SNURF: variants seen among roughly 807,000 people sequenced by gnomAD.
The protein encoded by SNURF is SNURF protein.
A neutral mutation model predicts 11.6 loss-of-function variants in SNURF; 6 were observed. The observed-to-expected ratio is 0.52, with a 90% CI of 0.28 to 1.02. The LOEUF is 1.02. Ranked by LOEUF, SNURF falls within the 50% of genes least tolerant of loss-of-function variation. The probability of loss-of-function intolerance (pLI) is 0.09; values close to 1 mark genes in which losing one functional copy is unlikely to be tolerated. For missense variants in SNURF, 84 were observed against 88.4 expected (o/e 0.95, Z 0.20); for synonymous variants, 29 against 31.6 (o/e 0.92, Z 0.27).
At chr15:24,969,807 T>C (rs558517597), downstream of SNURF, among the ~76,000 whole-genome samples, 1 of 152,312 alleles carries the variant, frequency 6.6e-6, no homozygotes, top group East Asian at 1.9e-4. Flanking sequence ...GAAGGGTTGG[T>C]AATATATCTG....
At chr15:24,970,088 T>C (rs2076208720), downstream of SNURF, among the ~76,000 whole-genome samples, 1 of 152,136 alleles carries the variant, frequency 6.6e-6, no homozygotes, top group Non-Finnish European at 1.5e-5. Context: ...TGATAAAGAA[T>C]AGATTATAGA....
rs372197183 is a variant in SNURF at position 24,977,731 on chromosome 15, T to A, written c.*463-47T>A. 7 of 1,529,730 alleles carry A rather than the reference T, an allele frequency of 4.6e-6. No homozygotes were observed. In the African/African-American group the frequency reaches 9.7e-5, roughly 21 times the overall value. 94.8% of individuals were successfully genotyped at this position (1,529,730 alleles called of 1,614,324 possible). A position where few individuals can be genotyped will look rare whatever the true frequency, so the allele number is the denominator to read the frequency against. ...TCATTTATTTTCTGTGTTTGAATAA[T>A]GTGAAGGTTTGCATCGCTTTGACTG... On this transcript the variant is annotated intron_variant and NMD_transcript_variant, in intron 6 of 6. Coordinates refer to the SNURF transcript ENST00000580062.
chr15:24,975,060 T>A, intron 3 of SNURF: 1 of 686,212 alleles, frequency 1.5e-6, no homozygotes, highest in Admixed American at 2.1e-5. Context: ...CCTACATCAT[T>A]GTGGTTTGGT....
At chr15:24,961,855 ATATAT>A (rs1330359119) in intron 1 of SNURF, among the ~76,000 whole-genome samples, 2 of 152,108 alleles carry the variant, frequency 1.3e-5, no homozygotes, top group African/African-American at 4.8e-5. Context: ...ATAGAGGTAG[ATATAT>A]TATTTTAATT....
chr15:24,962,483 ATACT>A (rs1321834426), intron 2 of SNURF, among the ~76,000 whole-genome samples: 1 of 152,196 alleles, frequency 6.6e-6, no homozygotes, highest in African/African-American at 2.4e-5. Flanking sequence ...CAACATAAGC[ATACT>A]TAAATTTTTC....
At chr15:24,955,056 G>T (rs1172109294) in exon 1 of SNURF, 4 of 1,613,322 alleles carry the variant, frequency 2.5e-6, no homozygotes, top group Non-Finnish European at 3.4e-6. Flanking sequence ...GCGATGGAGC[G>T]GGCAAGGTCA....
downstream of SNURF, among the ~76,000 whole-genome samples, chr15:24,971,633 C>A (rs1376340403): frequency 6.6e-6 from 1 of 151,936 alleles, no homozygotes; most frequent in Admixed American, 6.6e-5. Context: ...TGTTTCATAC[C>A]TCTGGACCGC....
intron 2 of SNURF, among the ~76,000 whole-genome samples, chr15:24,963,391 C>T (rs373030697): frequency 7.2e-5 from 11 of 151,902 alleles, no homozygotes; most frequent in East Asian, 1.9e-4. Flanking sequence ...CTAAGCCAGG[C>T]GGATCACAAG....
rs1375819936 is a variant in SNURF, at chr15:24,977,766, C to T, written c.*463-12C>T. The T allele has an allele frequency of 2.5e-6, 4 of 1,583,158 alleles. No individual in the cohort carries two copies. The Admixed American group carries it at 5.7e-5, about 23-fold the overall frequency. ...TGCATCGCTTTGACTGTTTCCCGCC[C>T]TGCCTTCTCAGGTAATGACTCCACA... On this transcript the variant is annotated splice_polypyrimidine_tract_variant and intron_variant and NMD_transcript_variant, in intron 6 of 6. Transcript: ENST00000580062.
intron 1 of SNURF, among the ~76,000 whole-genome samples, chr15:24,961,183 T>C (rs921351412): frequency 6.6e-6 from 1 of 152,162 alleles, no homozygotes; most frequent in Non-Finnish European, 1.5e-5. Flanking sequence ...TGTATAAAAT[T>C]TTACCATTTA....
chr15:24,975,583 A>AT, intron 4 of SNURF: 1 of 1,274,608 alleles, frequency 7.8e-7, no homozygotes, highest in Non-Finnish European at 1.1e-6. Flanking sequence ...GGAGTAAGGG[A>AT]TTTCCGAGGG....
intron 1 of SNURF, among the ~76,000 whole-genome samples, chr15:24,961,080 TTGA>T (rs1454370661): frequency 6.6e-6 from 1 of 152,240 alleles, no homozygotes; most frequent in Admixed American, 6.5e-5. Flanking sequence ...ACTTTATTTT[TTGA>T]TGAAGTCCAC....
At chr15:24,972,783 C>T (rs541534075), downstream of SNURF, among the ~76,000 whole-genome samples, 33 of 130,586 alleles carry the variant, frequency 2.5e-4, no homozygotes, top group Admixed American at 2.3e-4. Flanking sequence ...TGCTTGATTA[C>T]GGTCATGAGC....
intron 5 of SNURF, chr15:24,976,781 C>A: frequency 9.1e-7 from 1 of 1,102,364 alleles, no homozygotes; most frequent in Non-Finnish European, 1.3e-6. Flanking sequence ...AGATAGGTGT[C>A]ATGGGAAAAT....
At chr15:24,967,416 G>C (rs1294665128) in intron 2 of SNURF, among the ~76,000 whole-genome samples, 1 of 151,966 alleles carries the variant, frequency 6.6e-6, no homozygotes, top group Non-Finnish European at 1.5e-5. Context: ...AAAGTGGGTG[G>C]ATCACCTGAG....
At chr15:24,977,872 G>A (rs1566978629), downstream of SNURF, 1 of 1,606,664 alleles carries the variant, frequency 6.2e-7, no homozygotes, top group Non-Finnish European at 8.5e-7. Flanking sequence ...CCACCAGGAC[G>A]GGGCACTCCG....
At chr15:24,974,832 T>C in intron 3 of SNURF, 1 of 680,602 alleles carries the variant, frequency 1.5e-6, no homozygotes, top group Non-Finnish European at 2.7e-6. Context: ...GTGCTGGGAT[T>C]ACAGGCATGA....
downstream of SNURF, chr15:24,978,177 C>T (rs781632991): frequency 2.5e-6 from 4 of 1,608,418 alleles, no homozygotes; most frequent in South Asian, 1.1e-5. Flanking sequence ...TTTATTTCTA[C>T]CATTTTTCAC....
chr15:24,957,915 A>G (rs1237474127), intron 1 of SNURF, among the ~76,000 whole-genome samples: 1 of 152,054 alleles, frequency 6.6e-6, no homozygotes, highest in Non-Finnish European at 1.5e-5. Flanking sequence ...TTGAAGTTTC[A>G]AGGTCTGTGT....
Sources: gnomAD v4.1 joint callset for allele counts (sites outside exome capture counted in the v4.1 genomes callset) on GRCh38, gnomAD v4.1.1 for gene constraint, MANE v1.5 for transcripts, NCBI Gene and HGNC (gene_info 2026-07-23, HGNC 2026-07-21) for gene names.